The following RAPGEF6 variants were observed in gnomAD, a reference collection of about 807,000 sequenced individuals.
The protein encoded by RAPGEF6 is PDZ domain containing guanine nucleotide exchange factor (GEF) 2.
Under a neutral mutation model 171.4 loss-of-function variants are expected in RAPGEF6, and 56 were observed. The observed-to-expected ratio is 0.33, with a 90% CI of 0.26 to 0.41. The LOEUF is 0.41. Among genes scored for constraint, RAPGEF6 ranks in the 10% least tolerant of loss-of-function variants. The pLI is 1.00. For missense variants in RAPGEF6, 1,674 were observed against 1,921.4 expected (o/e 0.87, Z 2.41); for synonymous variants, 692 against 650.1 (o/e 1.06, Z -0.98).
chr5:131,516,105 CTG>C (rs1758064040), intron 7 of RAPGEF6, among the ~76,000 whole-genome samples: 1 of 91,332 alleles, frequency 1.1e-5, no homozygotes, highest in African/African-American at 4.4e-5. Context: ...TTTTTTTTTT[CTG>C]TGACGGAGTC....
At chr5:131,579,711 G>C (rs1229634357) in intron 4 of RAPGEF6, among the ~76,000 whole-genome samples, 1 of 151,814 alleles carries the variant, frequency 6.6e-6, no homozygotes, top group East Asian at 1.9e-4. Context: ...GTCCCCACTA[G>C]ATTAGCTAGA....
At chr5:131,507,297 T>C (rs1580936329) in intron 9 of RAPGEF6, among the ~76,000 whole-genome samples, 1 of 151,782 alleles carries the variant, frequency 6.6e-6, no homozygotes, top group East Asian at 1.9e-4. Flanking sequence ...CTTTGAGTTC[T>C]ACACGTCTCC....
chr5:131,604,394 G>C (rs1764425319), intron 2 of RAPGEF6, among the ~76,000 whole-genome samples: 1 of 152,100 alleles, frequency 6.6e-6, no homozygotes. Flanking sequence ...CCATGGCTAA[G>C]AAAAACTGAA....
chr5:131,464,316 TA>T (rs773690826), intron 17 of RAPGEF6, 35 bp from the exon 18 acceptor site: 1 of 1,575,946 alleles, frequency 6.3e-7, no homozygotes, highest in Non-Finnish European at 8.7e-7. Flanking sequence ...TGTTATTTTT[TA>T]AAAAAATCAC....
intron 4 of RAPGEF6, among the ~76,000 whole-genome samples, chr5:131,565,485 G>A (rs546227966): frequency 1.3e-5 from 2 of 152,250 alleles, no homozygotes; most frequent in East Asian, 3.9e-4. Flanking sequence ...CACCTTGGAG[G>A]ACTGACATAA....
intron 1 of RAPGEF6, among the ~76,000 whole-genome samples, chr5:131,620,939 C>T (rs1057221100): frequency 6.6e-6 from 1 of 152,120 alleles, no homozygotes; most frequent in Non-Finnish European, 1.5e-5. Flanking sequence ...TTCTGGAAGC[C>T]AAATCTAAAT....
chr5:131,568,491 C>T (rs369981100), intron 4 of RAPGEF6, among the ~76,000 whole-genome samples: 1 of 152,020 alleles, frequency 6.6e-6, no homozygotes, highest in Admixed American at 6.6e-5. Flanking sequence ...CCACCACACA[C>T]GTTTTTTTGT....
intron 15 of RAPGEF6, among the ~76,000 whole-genome samples, chr5:131,486,869 T>C (rs1237065163): frequency 6.6e-6 from 1 of 152,100 alleles, no homozygotes; most frequent in Non-Finnish European, 1.5e-5. Flanking sequence ...TAGAAATGTT[T>C]TTCTTCTCTC....
chr5:131,444,269 T>C lies in RAPGEF6; in HGVS notation c.3422-1732A>G, dbSNP rs148987567. On this transcript the variant is annotated intron_variant, in intron 22 of 27. Coordinates refer to ENST00000509018, the MANE Select transcript of RAPGEF6 (RefSeq NM_016340.6). Reference sequence around the variant, plus strand: ...CAAATACAGGGACCCCAAGAGAAAATTGCAATGGCTCACCAACTAATTGAA... The same window carrying C: ...CAAATACAGGGACCCCAAGAGAAAACTGCAATGGCTCACCAACTAATTGAA... 5.0e-3 allele frequency among the ~76,000 whole-genome samples: 764 copies of C among 152,170 alleles called. 4 individuals carry two copies. The highest frequency in any genetic ancestry group is 0.017 in the African/African-American group (704 of 41,534).
intron 17 of RAPGEF6, 108 bp from the exon 18 acceptor site, chr5:131,464,389 T>C (rs976668979): frequency 1.6e-5 from 13 of 794,092 alleles, no homozygotes; most frequent in East Asian, 1.3e-4. Context: ...GAAATATACA[T>C]TTCTATTTCA....
intron 4 of RAPGEF6, 94 bp from the exon 5 acceptor site, chr5:131,562,141 G>T: frequency 1.3e-6 from 1 of 789,364 alleles, no homozygotes; most frequent in Non-Finnish European, 2.0e-6. Flanking sequence ...AAAAAGCCCT[G>T]AGATATTATC....
At chr5:131,477,367 C>G (rs559930442) in intron 16 of RAPGEF6, among the ~76,000 whole-genome samples, 30 of 152,290 alleles carry the variant, frequency 2.0e-4, no homozygotes, top group Admixed American at 3.9e-4. Flanking sequence ...TTCTGCAGTG[C>G]AGCATTTTAT....
intron 2 of RAPGEF6, among the ~76,000 whole-genome samples, chr5:131,604,187 G>T (rs1764412307): frequency 6.6e-6 from 1 of 152,030 alleles, no homozygotes; most frequent in Non-Finnish European, 1.5e-5. Flanking sequence ...GAAGCATTTG[G>T]CATAATAAAT....
At chr5:131,555,232 C>A (rs554499492) in intron 5 of RAPGEF6, among the ~76,000 whole-genome samples, 2 of 152,108 alleles carry the variant, frequency 1.3e-5, no homozygotes, top group East Asian at 3.8e-4. Context: ...ATTAACTTAA[C>A]GAAGGTTTGT....
chr5:131,546,065 C>T (rs2149946305), intron 6 of RAPGEF6, among the ~76,000 whole-genome samples: 1 of 152,200 alleles, frequency 6.6e-6, no homozygotes, highest in Middle Eastern at 3.4e-3. Context: ...TGAGCATGAT[C>T]CACAGCTAAT....
chr5:131,540,143 A>G (rs1760038705), intron 6 of RAPGEF6, among the ~76,000 whole-genome samples: 1 of 152,248 alleles, frequency 6.6e-6, no homozygotes, highest in South Asian at 2.1e-4. Flanking sequence ...GAGAATATAA[A>G]AAGCATCCTA....
intron 16 of RAPGEF6, among the ~76,000 whole-genome samples, chr5:131,478,674 CTTAGTATA>C (rs1755268913): frequency 6.6e-6 from 1 of 152,096 alleles, no homozygotes; most frequent in South Asian, 2.1e-4. Flanking sequence ...CTGTCTCTGG[CTTAGTATA>C]TAATAAATGT....
intron 4 of RAPGEF6, among the ~76,000 whole-genome samples, chr5:131,568,950 T>C (rs1182073247): frequency 6.6e-6 from 1 of 152,094 alleles, no homozygotes; most frequent in Non-Finnish European, 1.5e-5. Context: ...CAATGAATAA[T>C]ATGAAAATGA....
intron 4 of RAPGEF6, among the ~76,000 whole-genome samples, chr5:131,570,538 T>C (rs1056573153): frequency 6.6e-6 from 1 of 152,138 alleles, no homozygotes; most frequent in Non-Finnish European, 1.5e-5. Context: ...CAGCCCCAAA[T>C]TAAAACTAAA....
Sources: allele counts gnomAD v4.1 joint callset (sites outside exome capture counted in the v4.1 genomes callset), GRCh38; gene constraint gnomAD v4.1.1; transcripts MANE v1.5; gene names NCBI Gene and HGNC (gene_info 2026-07-23, HGNC 2026-07-21).